The following FBLN2 variants were observed in gnomAD, a reference collection of about 807,000 sequenced individuals.
The protein encoded by FBLN2 is fibulin 2.
In FBLN2, 81 loss-of-function variants were observed where a neutral mutation model predicts 123.7. The observed-to-expected ratio is 0.65, with a 90% CI of 0.55 to 0.79. The LOEUF (loss-of-function observed/expected upper bound fraction) is 0.79. FBLN2 is among the 30% of genes least tolerant of loss of function. The pLI, the probability that FBLN2 is intolerant of heterozygous loss-of-function variation, is 0.00. For missense variants in FBLN2, 1,603 were observed against 1,681.3 expected, an observed-to-expected ratio of 0.95 and a Z score of 0.81; for synonymous variants, 699 against 701.4, an observed-to-expected ratio of 1.00 and a Z score of 0.05.
chr3:13,609,922 C>T (rs1166626646), intron 4 of FBLN2, among the ~76,000 whole-genome samples: 4 of 152,212 alleles, frequency 2.6e-5, no homozygotes, highest in Non-Finnish European at 5.9e-5. Context: ...TTCCCGCCCT[C>T]CCAGGGATTT....
chr3:13,554,965 TTTTTA>T (rs1345923194), intron 1 of FBLN2, among the ~76,000 whole-genome samples: 3 of 88,870 alleles, frequency 3.4e-5, no homozygotes, highest in African/African-American at 8.3e-5. Flanking sequence ...TTTTTTTTTT[TTTTTA>T]AATACTGAAT....
At chr3:13,549,806 C>G (rs191887152) in intron 1 of FBLN2, among the ~76,000 whole-genome samples, 1 of 152,080 alleles carries the variant, frequency 6.6e-6, no homozygotes, top group Admixed American at 6.5e-5. Flanking sequence ...ATGCTCACCC[C>G]GCCAGCTCCC....
intron 2 of FBLN2, among the ~76,000 whole-genome samples, chr3:13,574,409 A>G (rs1704065705): frequency 6.6e-6 from 1 of 152,144 alleles, no homozygotes; most frequent in African/African-American, 2.4e-5. Context: ...CCTGCGGGAA[A>G]AGCCGCCCTC....
At chr3:13,580,841 A>G (rs1246619853) in intron 2 of FBLN2, among the ~76,000 whole-genome samples, 2 of 152,162 alleles carry the variant, frequency 1.3e-5, no homozygotes, top group Non-Finnish European at 2.9e-5. Context: ...CACATTTATT[A>G]TTGCTCCCAA....
At chr3:13,575,770 G>T (rs950835618) in intron 2 of FBLN2, among the ~76,000 whole-genome samples, 1 of 152,084 alleles carries the variant, frequency 6.6e-6, no homozygotes, top group African/African-American at 2.4e-5. Flanking sequence ...GAGCCTGGCT[G>T]CATGCCCTCC....
chr3:13,579,619 A>G lies in FBLN2; in HGVS notation c.1306+7958A>G, dbSNP rs559951557. 1.0e-3 allele frequency among the ~76,000 whole-genome samples: 153 copies of G among 152,350 alleles called. 1 individual carries two copies. The highest frequency in any genetic ancestry group is 3.6e-3 in the African/African-American group (150 of 41,578). Reference sequence around the variant, plus strand: ...GGAGCTTTTCCCTGTCACTGCATGGAAAGTCCCCTTTCTGTGTTTGATGGC... The same window carrying G: ...GGAGCTTTTCCCTGTCACTGCATGGGAAGTCCCCTTTCTGTGTTTGATGGC... On this transcript the variant is annotated intron_variant, in intron 2 of 17. Transcript: ENST00000404922.
chr3:13,614,181 C>T lies in FBLN2; in HGVS notation c.1729+17C>T. On this transcript the variant is annotated intron_variant, in intron 5 of 17. Transcript: ENST00000404922. ...CACGGAGAGGTGAGTGCTGCTCTTC[C>T]CTGGCTGCGGCATATAGGGCGAAGG... is the stretch of plus-strand genomic sequence containing the variant. The T allele has an allele frequency of 1.2e-6, 2 of 1,606,302 alleles. No individual in the cohort carries two copies. Among genetic ancestry groups the T allele is most frequent in the East Asian group, 2.2e-5 (1 of 44,844 alleles).
At chr3:13,627,801 C>T in intron 10 of FBLN2, 31 bp from the exon 11 acceptor site, 1 of 1,599,684 alleles carries the variant, frequency 6.3e-7, no homozygotes, top group Non-Finnish European at 8.5e-7. Flanking sequence ...ACCTGCCCCC[C>T]AGCCCTTGAC....
intron 2 of FBLN2, among the ~76,000 whole-genome samples, chr3:13,598,804 C>T (rs533754706): frequency 1.4e-4 from 22 of 152,302 alleles, no homozygotes; most frequent in African/African-American, 5.1e-4. Flanking sequence ...TGCCACCCGA[C>T]AGGGACATCA....
intron 1 of FBLN2, among the ~76,000 whole-genome samples, chr3:13,563,045 T>C (rs1703654495): frequency 6.6e-6 from 1 of 152,256 alleles, no homozygotes; most frequent in African/African-American, 2.4e-5. Flanking sequence ...CTTGGCTTGA[T>C]CCGTGTGACT....
intron 1 of FBLN2, among the ~76,000 whole-genome samples, chr3:13,556,322 T>G (rs1317748736): frequency 1.6e-4 from 14 of 86,950 alleles, no homozygotes; most frequent in East Asian, 3.6e-4. Flanking sequence ...AGGTGGGGGG[T>G]GGGAAGCGGC....
chr3:13,608,128 A>G lies in FBLN2; in HGVS notation c.1373A>G (p.Glu458Gly). 1.9e-6 allele frequency: 3 copies of G among 1,598,756 alleles called. No individual in the cohort carries two copies. The highest frequency in any genetic ancestry group is 1.7e-6 in the Non-Finnish European group (2 of 1,172,912). The change falls in exon 3 of 18, where the codon GAG becomes GGG. Residue 458 changes from glutamate (E) to glycine (G), a missense_variant. By Grantham distance (98) the Glu-to-Gly change is moderately conservative (BLOSUM62 -2). Coordinates refer to ENST00000404922, the MANE Select transcript of FBLN2 (RefSeq NM_001004019.2). ...CAGCAGTGGGCCATTGACAATGACG[A>G]GTGCCTGGAGATCCCTGAGAGTGGC... Reference protein sequence around the residue: ...AGQQWAIDNDECLEIPESGTE... With the variant: ...AGQQWAIDNDGCLEIPESGTE...
At chr3:13,603,514 G>T (rs1162776306) in intron 2 of FBLN2, among the ~76,000 whole-genome samples, 1 of 151,078 alleles carries the variant, frequency 6.6e-6, no homozygotes, top group Non-Finnish European at 1.5e-5. Flanking sequence ...GCAATAATTT[G>T]CTCAGAATGA....
Position 13,612,104 on chromosome 3 carries a change from G to A in FBLN2, c.1549-1880G>A, listed in dbSNP as rs9985464. Among the ~76,000 whole-genome samples the A allele has an allele frequency of 7.1e-3, 1,077 of 152,162 alleles. 14 individuals are homozygous for A. The highest frequency in any genetic ancestry group is 0.024 in the African/African-American group (1,000 of 41,500). On this transcript the variant is annotated intron_variant, in intron 4 of 17. Transcript: ENST00000404922. The stretch of plus-strand genomic sequence containing the variant: ...CTGGATGGTTCTGGCATTTGGGAGA[G>A]GATTTTGACTTCAATTTTGGTCATC...
intron 16 of FBLN2, among the ~76,000 whole-genome samples, chr3:13,634,663 C>A (rs919963849): frequency 6.6e-6 from 1 of 152,240 alleles, no homozygotes; most frequent in Non-Finnish European, 1.5e-5. Flanking sequence ...GCCGTGTTTT[C>A]TCCCACTCAC....
intron 2 of FBLN2, among the ~76,000 whole-genome samples, chr3:13,600,030 AGAGAGAGAGAGAGAGC>A (rs1334064715): frequency 6.1e-5 from 9 of 147,530 alleles, no homozygotes; most frequent in East Asian, 3.9e-4. Flanking sequence ...AGAGAGAGAG[AGAGAGAGAGAGAGAGC>A]GAGAGAGAGA....
intron 2 of FBLN2, among the ~76,000 whole-genome samples, chr3:13,593,732 A>AAAAAGG (rs1704751279): frequency 8.7e-5 from 13 of 149,554 alleles, no homozygotes; most frequent in East Asian, 2.0e-4. Flanking sequence ...AAAAAAAAAA[A>AAAAAGG]GTGGAAGATA....
At chr3:13,618,349 A>G in intron 6 of FBLN2, 64 bp downstream of exon 6, 14 of 1,500,322 alleles carry the variant, frequency 9.3e-6, no homozygotes, top group Non-Finnish European at 1.3e-5. Context: ...GGGGTGTGGC[A>G]TTCCTGGGGT....
At chr3:13,585,219 C>T (rs997650336) in intron 2 of FBLN2, among the ~76,000 whole-genome samples, 37 of 152,184 alleles carry the variant, frequency 2.4e-4, no homozygotes, top group African/African-American at 8.2e-4. Context: ...CAGCCGTGGC[C>T]ATCAGGATAG....
Sources: allele counts gnomAD v4.1 joint callset (sites outside exome capture counted in the v4.1 genomes callset), GRCh38; gene constraint gnomAD v4.1.1; transcripts MANE v1.5; gene names NCBI Gene and HGNC (gene_info 2026-07-23, HGNC 2026-07-21).